The following SMIM27 variants were observed in gnomAD, a reference collection of about 807,000 sequenced individuals.
The protein encoded by SMIM27 is TOPORS antisense RNA 1 (non-protein coding).
SMIM27 carries 3 observed loss-of-function variants against 1.8 expected under a neutral mutation model. The observed-to-expected ratio is 1.65, with a 90% CI of 0.75 to 4.28. The LOEUF (loss-of-function observed/expected upper bound fraction) is 4.28, where lower values mean the gene tolerates loss of function less well. Among genes scored for constraint, SMIM27 ranks in the 30% most tolerant of loss-of-function variants. The pLI is 0.02. For missense variants in SMIM27, 63 were observed against 37.0 expected, an observed-to-expected ratio of 1.70 and a Z score of -1.83; for synonymous variants, 19 against 13.9, an observed-to-expected ratio of 1.37 and a Z score of -0.82.
At chr9:32,557,017 A>C (rs1293354697), downstream of SMIM27, among the ~76,000 whole-genome samples, 1 of 150,094 alleles carries the variant, frequency 6.7e-6, no homozygotes, top group African/African-American at 2.5e-5. Context: ...ATGCCCAGCT[A>C]ATTTTTGTAT....
intron 1 of SMIM27, chr9:32,566,338 C>T (rs892532790): frequency 1.7e-6 from 2 of 1,173,738 alleles, no homozygotes; most frequent in African/African-American, 1.5e-5. Flanking sequence ...TCTTTAACTG[C>T]TTCCACCAGT....
chr9:32,566,229 G>C (rs971738316), intron 1 of SMIM27: 16 of 890,720 alleles, frequency 1.8e-5, no homozygotes, highest in Admixed American at 1.5e-4. Flanking sequence ...AGCTGGTTTT[G>C]TGGGTGGTTT....
Position 32,558,808 on chromosome 9 carries a change from T to C in SMIM27, c.45+6329T>C, listed in dbSNP as rs1821546373. On this transcript the variant is annotated intron_variant, in intron 1 of 1. Transcript: ENST00000451672. ...ACAAAACAGGGACTTAAACCGAAAGTGAGAAGGAAAGAACATTTTAATCTA... is the reference window on the plus strand; with the variant it reads ...ACAAAACAGGGACTTAAACCGAAAGCGAGAAGGAAAGAACATTTTAATCTA... 7 of 799,984 alleles carry C rather than the reference T, an allele frequency of 8.8e-6. No homozygotes were observed. In the South Asian group the frequency reaches 1.6e-4, roughly 18 times the overall value. The allele number at this position is 799,984 out of a possible 1,614,324, so 49.6% of individuals were successfully genotyped here.
upstream of SMIM27, chr9:32,552,319 G>A: frequency 1.4e-6 from 2 of 1,447,600 alleles, no homozygotes; most frequent in South Asian, 1.2e-5. Context: ...GCGAGTGGGC[G>A]GGCGCTCGTG....
chr9:32,555,002 C>G (rs950755065), downstream of SMIM27, among the ~76,000 whole-genome samples: 1 of 151,814 alleles, frequency 6.6e-6, no homozygotes, highest in African/African-American at 2.4e-5. Context: ...GAAGCATGAG[C>G]TCAGGCAAAA....
chr9:32,557,393 C>A (rs550196863), downstream of SMIM27, among the ~76,000 whole-genome samples: 1 of 145,910 alleles, frequency 6.9e-6, no homozygotes, highest in African/African-American at 2.5e-5. Context: ...GGTCTCGAAC[C>A]CCTAGCCTCA....
intron 1 of SMIM27, among the ~76,000 whole-genome samples, chr9:32,563,459 C>T: frequency 1.4e-5 from 2 of 143,084 alleles, no homozygotes; most frequent in African/African-American, 5.3e-5. Flanking sequence ...GATCCTCCTG[C>T]TTCAGCCTCC....
At chr9:32,566,775 T>G in exon 2 of SMIM27, 1 of 909,154 alleles carries the variant, frequency 1.1e-6, no homozygotes, top group Non-Finnish European at 1.8e-6. Flanking sequence ...GGCTGCGACG[T>G]TCTGGCTGAC....
chr9:32,552,665 G>A, intron 1 of SMIM27, 136 bp from the exon 2 acceptor site: 2 of 652,506 alleles, frequency 3.1e-6, no homozygotes, highest in Admixed American at 2.2e-5. Flanking sequence ...GGGCTGCTGG[G>A]TGTACCCGCC....
chr9:32,557,469 A>AC (rs770341851), downstream of SMIM27, among the ~76,000 whole-genome samples: 48 of 138,538 alleles, frequency 3.5e-4, no homozygotes, highest in Admixed American at 5.7e-4. Context: ...GATACCCCCT[A>AC]CTTTTTTTTT....
chr9:32,551,879 A>C (rs1238897412), upstream of SMIM27: 7 of 400,370 alleles, frequency 1.7e-5, no homozygotes, highest in Non-Finnish European at 3.6e-5. Flanking sequence ...GGCTCGATTT[A>C]CAGGGGTTCC....
At chr9:32,552,120 T>G, upstream of SMIM27, 4 of 565,252 alleles carry the variant, frequency 7.1e-6, no homozygotes, top group Non-Finnish European at 1.3e-5. Context: ...TGCATTAATA[T>G]TGCATTGCAA....
At chr9:32,565,016 G>A (rs1821740577) in intron 1 of SMIM27, among the ~76,000 whole-genome samples, 1 of 152,192 alleles carries the variant, frequency 6.6e-6, no homozygotes, top group Non-Finnish European at 1.5e-5. Context: ...CAGCAGGCCA[G>A]GTGCGGTGGC....
chr9:32,551,484 G>A (rs768379192), upstream of SMIM27: 1 of 267,244 alleles, frequency 3.7e-6, no homozygotes, highest in African/African-American at 2.2e-5. Context: ...GGAGAAACAG[G>A]ACAACCTAAC....
chr9:32,560,594 G>A (rs1244138156), intron 1 of SMIM27, among the ~76,000 whole-genome samples: 1 of 152,138 alleles, frequency 6.6e-6, no homozygotes, highest in African/African-American at 2.4e-5. Context: ...TAGTTAAAAT[G>A]CATAATTGAT....
chr9:32,565,897 G>A (rs2889318), intron 1 of SMIM27, among the ~76,000 whole-genome samples: 24,756 of 152,024 alleles, frequency 0.16, 2,666 homozygotes, highest in Non-Finnish European at 0.25. Flanking sequence ...ACTTGAACCC[G>A]GGAGGCGGAG....
Position 32,552,437 on chromosome 9 carries a change from GA to G in SMIM27, c.5del (p.Lys2SerfsTer3), listed in dbSNP as rs750665008. ...CGGACTGCTGCCGCCTCCTTACCAT[GA>G]AGCCAGTAAGTCGTCGCACGCTGGA... M[K>X]PVSRRTLDWI... On this transcript the variant is annotated frameshift_variant, in exon 1 of 2. Transcript: ENST00000692500. LOFTEE classifies it low-confidence loss of function (END_TRUNC). 6.2e-7 allele frequency: 1 copy of G among 1,608,868 alleles called. No homozygotes were observed. Among genetic ancestry groups the G allele is most frequent in the South Asian group, 1.1e-5 (1 of 89,996 alleles).
At chr9:32,551,194 T>G, upstream of SMIM27, 1 of 617,488 alleles carries the variant, frequency 1.6e-6, no homozygotes, top group Non-Finnish European at 2.9e-6. Flanking sequence ...CCCATCTTGT[T>G]ACTGGTACTC....
In SMIM27 at chr9:32,560,168, T is replaced by C. The variant is rs1417203972; in HGVS notation, c.46-6223T>C. ...CTGAAGCAAACTGGTTGCAATCTTA[T>C]TGAAGATGCAATCCTTTACCTACCA... On this transcript the variant is annotated intron_variant, in intron 1 of 1. Transcript: ENST00000451672. Among the ~76,000 whole-genome samples, 9 of 152,338 alleles carry C rather than the reference T, an allele frequency of 5.9e-5. No individual in the cohort carries two copies. In the East Asian group the frequency reaches 9.6e-4, roughly 16 times the overall value.
Sources: allele counts gnomAD v4.1 joint callset (sites outside exome capture counted in the v4.1 genomes callset), GRCh38; gene constraint gnomAD v4.1.1; transcripts MANE v1.5; gene names NCBI Gene and HGNC (gene_info 2026-07-23, HGNC 2026-07-21).